The following DENND1A variants were observed in gnomAD, a reference collection of about 807,000 sequenced individuals.
DENND1A encodes DENN domain containing 1A.
In DENND1A, 51 loss-of-function variants were observed where a neutral mutation model predicts 113.7. The observed-to-expected ratio is 0.45, with a 90% CI of 0.36 to 0.57. The LOEUF is 0.57. Ranked by LOEUF, DENND1A falls within the 20% of genes least tolerant of loss-of-function variation. The pLI, the probability that DENND1A is intolerant of heterozygous loss-of-function variation, is 0.00. For synonymous variants in DENND1A, 565 were observed against 570.8 expected (o/e 0.99, Z 0.14); for missense variants, 1,258 against 1,395.9 (o/e 0.90, Z 1.57).
intron 13 of DENND1A, among the ~76,000 whole-genome samples, chr9:123,499,093 T>G (rs1237134900): frequency 6.6e-6 from 1 of 150,422 alleles, no homozygotes; most frequent in Non-Finnish European, 1.5e-5. Context: ...GAGTGCAGTG[T>G]CGTGATCTTG....
At chr9:123,566,268 T>C (rs776515802) in intron 12 of DENND1A, among the ~76,000 whole-genome samples, 1 of 152,252 alleles carries the variant, frequency 6.6e-6, no homozygotes, top group Non-Finnish European at 1.5e-5. Context: ...TTCCTGCTTC[T>C]TTCTTGAGAA....
At chr9:123,628,533 G>A (rs184441814) in intron 10 of DENND1A, among the ~76,000 whole-genome samples, 39 of 152,168 alleles carry the variant, frequency 2.6e-4, no homozygotes, top group African/African-American at 7.2e-4. Context: ...TGGGCCCAGG[G>A]GTTTGAAAAC....
intron 1 of DENND1A, among the ~76,000 whole-genome samples, chr9:123,892,239 C>G (rs1811820895): frequency 6.6e-6 from 1 of 152,210 alleles, no homozygotes. Context: ...CTATTCCCCC[C>G]AGCCGAAGTG....
intron 13 of DENND1A, among the ~76,000 whole-genome samples, chr9:123,551,396 G>A (rs1023153629): frequency 3.3e-5 from 5 of 152,188 alleles, no homozygotes; most frequent in Admixed American, 6.5e-5. Context: ...TACACACGGT[G>A]CCACGACCTG....
At chr9:123,898,898 G>A (rs768325572) in intron 1 of DENND1A, among the ~76,000 whole-genome samples, 1 of 152,136 alleles carries the variant, frequency 6.6e-6, no homozygotes, top group African/African-American at 2.4e-5. Context: ...TTAGATGAAT[G>A]AATAAAGGCA....
intron 13 of DENND1A, among the ~76,000 whole-genome samples, chr9:123,506,251 T>C (rs2052922183): frequency 6.6e-6 from 1 of 152,220 alleles, no homozygotes; most frequent in Non-Finnish European, 1.5e-5. Context: ...GTAATATGTA[T>C]AAAGTGCTTT....
chr9:123,855,895 G>A (rs964087104), intron 2 of DENND1A, among the ~76,000 whole-genome samples: 1 of 152,074 alleles, frequency 6.6e-6, no homozygotes, highest in African/African-American at 2.4e-5. Context: ...AAATTAGTCA[G>A]GCATGGTGGC....
intron 13 of DENND1A, among the ~76,000 whole-genome samples, chr9:123,498,723 C>G (rs201183529): frequency 7.2e-6 from 1 of 138,466 alleles, no homozygotes; most frequent in African/African-American, 2.7e-5. Context: ...GTCTCTCTCT[C>G]TCTTTTTTTT....
At chr9:123,496,272 GCATTGT>G (rs1353264377) in intron 13 of DENND1A, among the ~76,000 whole-genome samples, 2 of 152,206 alleles carry the variant, frequency 1.3e-5, no homozygotes, top group African/African-American at 4.8e-5. Flanking sequence ...CTTTGGAGGA[GCATTGT>G]CATTGCTTCC....
rs1469859298 is a variant in DENND1A, at chr9:123,733,193, C to A, written c.302+24510G>T. On this transcript the variant is annotated intron_variant, in intron 5 of 23. Coordinates refer to ENST00000394215, the MANE Select transcript of DENND1A (RefSeq NM_001352964.2). ...ACGGGGTTTCTCCATGTAGGTCAGG[C>A]GGGTCTCAAACTCCCAACCTCAGGT... is the stretch of plus-strand genomic sequence containing the variant. 2.0e-5 allele frequency among the ~76,000 whole-genome samples: 3 copies of A among 152,024 alleles called. No individual in the cohort carries two copies. In the South Asian group the frequency reaches 6.2e-4, roughly 32 times the overall value.
chr9:123,446,655 T>G (rs1377926019), intron 18 of DENND1A, among the ~76,000 whole-genome samples: 1 of 151,984 alleles, frequency 6.6e-6, no homozygotes, highest in East Asian at 1.9e-4. Context: ...CAAAACTCTG[T>G]CCCTAAAAAA....
At chr9:123,447,002 A>C (rs1239816307) in intron 18 of DENND1A, among the ~76,000 whole-genome samples, 1 of 152,164 alleles carries the variant, frequency 6.6e-6, no homozygotes, top group Non-Finnish European at 1.5e-5. Context: ...GGTGAGGAGA[A>C]ATGGATTTGT....
intron 6 of DENND1A, among the ~76,000 whole-genome samples, chr9:123,675,408 C>G (rs1281743368): frequency 6.6e-6 from 1 of 152,136 alleles, no homozygotes; most frequent in Non-Finnish European, 1.5e-5. Flanking sequence ...TTAAATGAAT[C>G]TTAAGGAGAT....
At chr9:123,438,348 A>C (rs986366329) in intron 19 of DENND1A, among the ~76,000 whole-genome samples, 1 of 152,224 alleles carries the variant, frequency 6.6e-6, no homozygotes. Context: ...GGCCGGCATA[A>C]GTGAGCTAGC....
chr9:123,494,336 G>C (rs2051666030), intron 13 of DENND1A, among the ~76,000 whole-genome samples: 1 of 152,202 alleles, frequency 6.6e-6, no homozygotes, highest in South Asian at 2.1e-4. Context: ...GAAGTCTGGA[G>C]GTCCTGGGAA....
At chr9:123,759,972 A>G (rs2070897520) in intron 4 of DENND1A, among the ~76,000 whole-genome samples, 1 of 152,218 alleles carries the variant, frequency 6.6e-6, no homozygotes, top group Non-Finnish European at 1.5e-5. Flanking sequence ...ATCTCAGAAA[A>G]AGAAGAAAAG....
rs769102639 is a variant in DENND1A, at chr9:123,659,897, A to G, written c.507+7129T>C. Reference sequence around the variant, plus strand: ...TTAATATGCAAATTTCAACACTGCTAGAGCTCAACAGTGATTCTGTGTCAA... The same window carrying G: ...TTAATATGCAAATTTCAACACTGCTGGAGCTCAACAGTGATTCTGTGTCAA... On this transcript the variant is annotated intron_variant, in intron 8 of 23. Transcript: ENST00000394215. Among the ~76,000 whole-genome samples the G allele has an allele frequency of 4.7e-4, 72 of 152,364 alleles. 1 individual carries two copies. The highest frequency in any genetic ancestry group is 3.4e-3 in the Middle Eastern group (1 of 294).
chr9:123,770,749 C>A (rs1314517071), intron 3 of DENND1A, among the ~76,000 whole-genome samples: 2 of 152,188 alleles, frequency 1.3e-5, no homozygotes, highest in Non-Finnish European at 2.9e-5. Context: ...CCATTGCAAA[C>A]CCTAATCCAA....
chr9:123,636,574 C>T (rs942243816), intron 9 of DENND1A, among the ~76,000 whole-genome samples: 1 of 151,608 alleles, frequency 6.6e-6, no homozygotes, highest in African/African-American at 2.4e-5. Context: ...TCCTCGGCCT[C>T]CCAAATATTC....
Sources: gnomAD v4.1 joint callset for allele counts (sites outside exome capture counted in the v4.1 genomes callset) on GRCh38, gnomAD v4.1.1 for gene constraint, MANE v1.5 for transcripts, NCBI Gene and HGNC (gene_info 2026-07-23, HGNC 2026-07-21) for gene names.